The following OARD1 variants were observed in gnomAD, a reference collection of about 807,000 sequenced individuals.
OARD1 encodes the protein ADP-ribose glycohydrolase OARD1.
Under a neutral mutation model 19.7 loss-of-function variants are expected in OARD1, and 19 were observed. The ratio of observed to expected loss-of-function variants is 0.96; its 90% CI spans 0.67 to 1.41. The LOEUF is 1.41. Ranked by LOEUF, OARD1 falls within the 40% of genes most tolerant of loss-of-function variation. The pLI, the probability that OARD1 is intolerant of heterozygous loss-of-function variation, is 0.00. For missense variants in OARD1, 190 were observed against 183.8 expected (o/e 1.03, Z -0.20); for synonymous variants, 70 against 61.8 (o/e 1.13, Z -0.62).
intron 1 of OARD1, among the ~76,000 whole-genome samples, chr6:41,095,992 A>T (rs1036866996): frequency 6.6e-6 from 1 of 152,242 alleles, no homozygotes; most frequent in Admixed American, 6.5e-5. Context: ...CTATATTAAC[A>T]TCACATTCCA....
At chr6:41,073,982 T>TA (rs1258419953), upstream of OARD1, among the ~76,000 whole-genome samples, 2 of 152,242 alleles carry the variant, frequency 1.3e-5, no homozygotes, top group Admixed American at 1.3e-4. Context: ...ACCTCACTCT[T>TA]AGAAGATTGA....
intron 1 of OARD1, among the ~76,000 whole-genome samples, chr6:41,085,228 T>C (rs1003840554): frequency 8.5e-5 from 13 of 152,176 alleles, no homozygotes; most frequent in Admixed American, 3.9e-4. Flanking sequence ...ATCTGTCCTA[T>C]AGGAAGAAAA....
chr6:41,073,941 G>T (rs1381270297), upstream of OARD1, among the ~76,000 whole-genome samples: 1 of 151,502 alleles, frequency 6.6e-6, no homozygotes, highest in Non-Finnish European at 1.5e-5. Flanking sequence ...TTCTTGTCCG[G>T]GCTGTAAGAC....
chr6:41,094,456 C>T, intron 1 of OARD1: 2 of 1,614,084 alleles, frequency 1.2e-6, no homozygotes, highest in Non-Finnish European at 8.5e-7. Flanking sequence ...TGAAGGTGGA[C>T]GATTTTTCTC....
chr6:41,090,093 G>A (rs113326329), intron 1 of OARD1: 135 of 695,644 alleles, frequency 1.9e-4, no homozygotes, highest in African/African-American at 1.1e-3. Flanking sequence ...CCAGCCTGGC[G>A]ACAGAGTGAG....
intron 1 of OARD1, chr6:41,097,662 C>T (rs1321665031): frequency 4.8e-6 from 2 of 420,460 alleles, no homozygotes; most frequent in Admixed American, 4.0e-5. Flanking sequence ...TTCATGGATT[C>T]GGATGATGCA....
intron 1 of OARD1, chr6:41,091,464 A>C: frequency 6.6e-7 from 1 of 1,523,620 alleles, no homozygotes; most frequent in African/African-American, 1.4e-5. Flanking sequence ...GGGACTAACT[A>C]TGTTCCCTTC....
intron 1 of OARD1, chr6:41,097,514 C>A: frequency 8.2e-7 from 1 of 1,224,392 alleles, no homozygotes; most frequent in Non-Finnish European, 1.2e-6. Flanking sequence ...CTGCCCTTTA[C>A]TACAGGACAG....
chr6:41,093,619 C>T (rs539127714), intron 1 of OARD1, among the ~76,000 whole-genome samples: 13 of 152,220 alleles, frequency 8.5e-5, no homozygotes, highest in East Asian at 3.9e-4. Flanking sequence ...TACAGGTGTG[C>T]GCCACCACGC....
chr6:41,081,489 C>CAA, intron 1 of OARD1, among the ~76,000 whole-genome samples: 1 of 102,168 alleles, frequency 9.8e-6, no homozygotes, highest in South Asian at 3.0e-4. Context: ...GACTCCGTCT[C>CAA]AAAAAAAAAA....
chr6:41,084,212 A>G (rs768833544), intron 1 of OARD1: 2 of 1,612,812 alleles, frequency 1.2e-6, no homozygotes, highest in Non-Finnish European at 1.7e-6. Flanking sequence ...ATTTAAAAAT[A>G]TTGAGCAGTA....
At chr6:41,084,260 C>G in intron 1 of OARD1, 1 of 1,543,630 alleles carries the variant, frequency 6.5e-7, no homozygotes, top group Non-Finnish European at 8.8e-7. Context: ...ATTATTACAA[C>G]CTATTTGATA....
intron 1 of OARD1, chr6:41,091,831 T>A: frequency 1.1e-6 from 1 of 933,964 alleles, no homozygotes; most frequent in Non-Finnish European, 1.6e-6. Context: ...ACTTTGACAA[T>A]AACATTATGA....
At chr6:41,073,818 C>T (rs997310731), upstream of OARD1, among the ~76,000 whole-genome samples, 2 of 152,164 alleles carry the variant, frequency 1.3e-5, no homozygotes, top group African/African-American at 2.4e-5. Flanking sequence ...CCCGGGTCTC[C>T]GGCCCGGCGC....
intron 1 of OARD1, chr6:41,097,614 A>C (rs1348899156): frequency 1.8e-6 from 1 of 560,392 alleles, no homozygotes; most frequent in East Asian, 3.0e-5. Context: ...TTACTCTTTC[A>C]GTCAGGACCT....
At chr6:41,093,627 C>T (rs529195892) in intron 1 of OARD1, among the ~76,000 whole-genome samples, 5 of 152,252 alleles carry the variant, frequency 3.3e-5, no homozygotes, top group African/African-American at 9.6e-5. Context: ...TGCGCCACCA[C>T]GCCCAGCTTA....
In OARD1 at chr6:41,070,132, T is replaced by A; in HGVS notation, c.187A>T (p.Lys63Ter). Reference protein sequence around the residue: ...GGVQELLNQQKKSGEVAVLKR... With the variant: ...GGVQELLNQQ ...AGAACAGCCACTTCTCCAGATTTCTTTTCTAAGAAAAAGTTATTTAATAGT... is the reference window on the plus strand; with the variant it reads ...AGAACAGCCACTTCTCCAGATTTCTATTCTAAGAAAAAGTTATTTAATAGT... Residue 63 changes from lysine (K) to a stop codon, truncating the protein, a stop_gained and splice_region_variant, in exon 4 of 6, where the codon AAG becomes TAG. Transcript: ENST00000424266. LOFTEE classifies it high-confidence loss of function. 1 of 1,545,762 alleles carries A rather than the reference T, an allele frequency of 6.5e-7. No homozygotes were observed. Among genetic ancestry groups the A allele is most frequent in the Non-Finnish European group, 8.9e-7 (1 of 1,125,842 alleles).
intron 1 of OARD1, among the ~76,000 whole-genome samples, chr6:41,087,858 T>C (rs1255504643): frequency 6.6e-6 from 1 of 152,162 alleles, no homozygotes; most frequent in East Asian, 1.9e-4. Flanking sequence ...ACACTCCTAA[T>C]AAAGTGGCTA....
chr6:41,083,477 A>G (rs1314090869), intron 1 of OARD1, among the ~76,000 whole-genome samples: 1 of 151,632 alleles, frequency 6.6e-6, no homozygotes, highest in African/African-American at 2.4e-5. Context: ...AATGAGCAGG[A>G]TAAAGGTATA....
Sources: allele counts gnomAD v4.1 joint callset (sites outside exome capture counted in the v4.1 genomes callset), GRCh38; gene constraint gnomAD v4.1.1; transcripts MANE v1.5; gene names NCBI Gene and HGNC (gene_info 2026-07-23, HGNC 2026-07-21).